Variants in GPD2 observed in about 807,000 individuals in gnomAD.
The protein encoded by GPD2 is glycerol-3-phosphate dehydrogenase, mitochondrial.
Under a neutral mutation model 82.4 loss-of-function variants are expected in GPD2, and 54 were observed. The observed-to-expected ratio is 0.66, with a 90% confidence interval of 0.53 to 0.82. The LOEUF is 0.82. Among genes scored for constraint, GPD2 ranks in the 40% least tolerant of loss-of-function variants. The probability of loss-of-function intolerance (pLI) is 0.00; values close to 1 mark genes in which losing one functional copy is unlikely to be tolerated. For synonymous variants in GPD2, 288 were observed against 306.1 expected, an observed-to-expected ratio of 0.94 and a Z score of 0.62; for missense variants, 748 against 896.2, an observed-to-expected ratio of 0.83 and a Z score of 2.11.
chr2:156,579,349 CAG>C (rs1687945679), intron 15 of GPD2, among the ~76,000 whole-genome samples, 185 bp downstream of exon 15: 1 of 133,972 alleles, frequency 7.5e-6, no homozygotes, highest in Non-Finnish European at 1.5e-5. Context: ...TTTTTTGAGA[CAG>C]AGTCTCACTC....
intron 8 of GPD2, among the ~76,000 whole-genome samples, chr2:156,553,165 G>A (rs1465302386): frequency 1.3e-5 from 2 of 152,010 alleles, no homozygotes; most frequent in Admixed American, 1.3e-4. Flanking sequence ...TGGGATTACA[G>A]ACGTGAGCCA....
chr2:156,558,765 C>CTTTT lies in GPD2; in HGVS notation c.1165+1211_1165+1214dup, dbSNP rs34524248. Among the ~76,000 whole-genome samples, 84 of 40,880 alleles carry CTTTT rather than the reference C, an allele frequency of 2.1e-3. 8 individuals carry two copies. Among genetic ancestry groups the CTTTT allele is most frequent in the East Asian group, 0.014 (12 of 868 alleles). The allele number at this position is 40,880 out of a possible 152,430, so 26.8% of individuals were successfully genotyped here. On this transcript the variant is annotated intron_variant, in intron 9 of 16. Transcript: ENST00000438166. Reference sequence around the variant, plus strand: ...GGTGCCCACCACCACGCCCAGCTAACTTTTTTTTTTTTTTTTTTTTTTTTT... The same window carrying CTTTT: ...GGTGCCCACCACCACGCCCAGCTAACTTTTTTTTTTTTTTTTTTTTTTTTTTTTT...
chr2:156,515,839 T>C (rs1047056418), intron 6 of GPD2, among the ~76,000 whole-genome samples: 1 of 152,180 alleles, frequency 6.6e-6, no homozygotes, highest in Non-Finnish European at 1.5e-5. Context: ...ATATCATACT[T>C]GAGGTGAGGC....
chr2:156,491,458 G>A (rs186709320), intron 2 of GPD2, among the ~76,000 whole-genome samples: 1 of 152,352 alleles, frequency 6.6e-6, no homozygotes, highest in African/African-American at 2.4e-5. Flanking sequence ...CCCTGATTTA[G>A]CATATTGCAT....
chr2:156,527,889 AT>A (rs1327945030), intron 6 of GPD2, among the ~76,000 whole-genome samples: 1 of 152,046 alleles, frequency 6.6e-6, no homozygotes, highest in East Asian at 1.9e-4. Context: ...TTTGTGTTTT[AT>A]TTTCCTTAAG....
At chr2:156,456,666 A>G (rs1305252819) in intron 1 of GPD2, among the ~76,000 whole-genome samples, 2 of 152,180 alleles carry the variant, frequency 1.3e-5, no homozygotes, top group Non-Finnish European at 2.9e-5. Flanking sequence ...GAATTAAGAT[A>G]ATGCAAATCA....
chr2:156,445,408 G>A (rs1273343972), intron 1 of GPD2, among the ~76,000 whole-genome samples: 2 of 152,144 alleles, frequency 1.3e-5, no homozygotes, highest in African/African-American at 2.4e-5. Context: ...CCCAACCATT[G>A]AACTGTGCCA....
In GPD2 at chr2:156,585,403, T is replaced by C. The variant is rs1197015342; in HGVS notation, c.*2485T>C. 1.3e-5 allele frequency: 2 copies of C among 152,318 alleles called. No homozygotes were observed. The highest frequency in any genetic ancestry group is 2.4e-5 in the African/African-American group (1 of 41,354). The allele number at this position is 152,318 out of a possible 1,614,324, so 9.4% of individuals were successfully genotyped here. ...TCAAGAGCCTTTGAGGGGATTCAGG[T>C]GAAGGAACCCCCATCTGTGCTGGAG... is the stretch of plus-strand genomic sequence containing the variant. On this transcript the variant is annotated 3_prime_UTR_variant, in exon 17 of 17. Transcript: ENST00000438166.
the GPD2 span, among the ~76,000 whole-genome samples, chr2:156,426,074 C>A: frequency 1.1e-4 from 17 of 152,186 alleles, no homozygotes; most frequent in Admixed American, 4.6e-4. Context: ...CAGGCGCCCA[C>A]CACCACGCCA....
chr2:156,512,422 A>C, intron 5 of GPD2, 105 bp downstream of exon 5: 1 of 750,232 alleles, frequency 1.3e-6, no homozygotes, highest in South Asian at 1.4e-5. Flanking sequence ...ATGTGGTTTT[A>C]ATTGGTCCTA....
rs1688176762 is a variant in GPD2 at position 156,585,349 on chromosome 2, G to T, written c.*2431G>T. The T allele has an allele frequency of 6.6e-6, 1 of 152,312 alleles. No homozygotes were observed. The highest frequency in any genetic ancestry group is 2.4e-5 in the African/African-American group (1 of 41,378). The allele number at this position is 152,312 out of a possible 1,614,324, so 9.4% of individuals were successfully genotyped here. ...GTTGGGGTCGGGGTGGGTATGCAGG[G>T]ATTGCCTTTTATTATCAAGTGATTT... On this transcript the variant is annotated 3_prime_UTR_variant, in exon 17 of 17. Coordinates refer to ENST00000438166, the MANE Select transcript of GPD2 (RefSeq NM_000408.5).
chr2:156,491,560 T>C (rs78473380), intron 2 of GPD2, among the ~76,000 whole-genome samples: 16 of 152,246 alleles, frequency 1.1e-4, no homozygotes, highest in South Asian at 8.3e-4. Context: ...TGTTTAGTCA[T>C]TCACCAGGTA....
chr2:156,467,946 G>C (rs184782124), intron 1 of GPD2, among the ~76,000 whole-genome samples: 1 of 152,014 alleles, frequency 6.6e-6, no homozygotes, highest in African/African-American at 2.4e-5. Flanking sequence ...GGGGGAATGC[G>C]TTTGCAGGCA....
intron 1 of GPD2, among the ~76,000 whole-genome samples, chr2:156,458,630 T>A (rs974137083): frequency 6.6e-6 from 1 of 152,252 alleles, no homozygotes; most frequent in African/African-American, 2.4e-5. Context: ...TTTCTTTTTC[T>A]ATATGGGTCT....
upstream of GPD2, among the ~76,000 whole-genome samples, chr2:156,434,402 G>C (rs1185020521): frequency 6.6e-6 from 1 of 152,042 alleles, no homozygotes; most frequent in Non-Finnish European, 1.5e-5. Flanking sequence ...GCGCCTGCCC[G>C]GCCACAAGGA....
chr2:156,421,567 G>GA, the GPD2 span, among the ~76,000 whole-genome samples: 79 of 149,654 alleles, frequency 5.3e-4, no homozygotes, highest in African/African-American at 1.6e-3. Flanking sequence ...AGAGTTGAAT[G>GA]AAAAAAAAAA....
intron 16 of GPD2, among the ~76,000 whole-genome samples, chr2:156,580,552 T>G (rs561084187): frequency 6.6e-5 from 10 of 152,336 alleles, no homozygotes; most frequent in African/African-American, 2.2e-4. Flanking sequence ...TTTTCTGTAG[T>G]GCTTCTTGGG....
At chr2:156,482,612 GA>G (rs1683772230) in intron 2 of GPD2, among the ~76,000 whole-genome samples, 1 of 152,118 alleles carries the variant, frequency 6.6e-6, no homozygotes, top group Non-Finnish European at 1.5e-5. Flanking sequence ...GCTTGAAATG[GA>G]ATGCAATTAA....
intron 2 of GPD2, among the ~76,000 whole-genome samples, chr2:156,488,038 G>T (rs76960655): frequency 3.3e-5 from 5 of 152,136 alleles, no homozygotes; most frequent in Non-Finnish European, 7.4e-5. Flanking sequence ...GTACCTTCAA[G>T]GGGAACTAGA....
Sources: allele counts gnomAD v4.1 joint callset (sites outside exome capture counted in the v4.1 genomes callset), GRCh38; gene constraint gnomAD v4.1.1; transcripts MANE v1.5; gene names NCBI Gene and HGNC (gene_info 2026-07-23, HGNC 2026-07-21).